Variants in PANX3 observed in about 807,000 individuals in gnomAD.
PANX3 encodes pannexin 3.
In PANX3, 18 loss-of-function variants were observed where a neutral mutation model predicts 31.5. The observed-to-expected ratio is 0.57, with a 90% confidence interval of 0.39 to 0.85. The LOEUF (loss-of-function observed/expected upper bound fraction) is 0.85, where lower values mean the gene tolerates loss of function less well. PANX3 is among the 40% of genes least tolerant of loss of function. The pLI, the probability that PANX3 is intolerant of heterozygous loss-of-function variation, is 0.00. For synonymous variants in PANX3, 194 were observed against 201.6 expected, an observed-to-expected ratio of 0.96 and a Z score of 0.32; for missense variants, 426 against 485.4, an observed-to-expected ratio of 0.88 and a Z score of 1.15.
At chr11:124,618,571 T>A (rs1228074680) in intron 3 of PANX3, among the ~76,000 whole-genome samples, 2 of 152,166 alleles carry the variant, frequency 1.3e-5, no homozygotes, top group Non-Finnish European at 2.9e-5. Flanking sequence ...GCCAAATTAT[T>A]TACATAAGAT....
In PANX3 at chr11:124,619,972, C is replaced by T. The variant is rs1863198472; in HGVS notation, c.*37C>T. The T allele has an allele frequency of 3.9e-6, 6 of 1,551,166 alleles. No individual in the cohort carries two copies. Among genetic ancestry groups the T allele is most frequent in the African/African-American group, 1.4e-5 (1 of 72,400 alleles). On this transcript the variant is annotated 3_prime_UTR_variant, in exon 4 of 4. Coordinates refer to ENST00000284288, the MANE Select transcript of PANX3 (RefSeq NM_052959.3). ...TGGAGCAAGAAAGCTTGTGGAAAGT[C>T]TCTCTCCTTCCTCATAAGACATGCA...
intron 3 of PANX3, among the ~76,000 whole-genome samples, chr11:124,619,027 C>T (rs991910694): frequency 5.3e-5 from 8 of 152,164 alleles, no homozygotes; most frequent in Non-Finnish European, 5.9e-5. Context: ...AACTTTAGTC[C>T]GCCTTGCTTG....
rs2134315058 is a variant in PANX3 at position 124,620,101 on chromosome 11, A to G, written c.*166A>G. On this transcript the variant is annotated 3_prime_UTR_variant, in exon 4 of 4. Transcript: ENST00000284288. Reference sequence around the variant, plus strand: ...ATCATGTTATCCTAAAAGTGAGAAGACATAACCAAGACATGGAAATAAATG... The same window carrying G: ...ATCATGTTATCCTAAAAGTGAGAAGGCATAACCAAGACATGGAAATAAATG... 3.9e-6 allele frequency: 3 copies of G among 776,510 alleles called. No homozygotes were observed. In the East Asian group the frequency reaches 8.3e-5, roughly 22 times the overall value. 48.1% of individuals were successfully genotyped at this position (776,510 alleles called of 1,614,324 possible).
intron 1 of PANX3, among the ~76,000 whole-genome samples, chr11:124,612,767 G>T (rs1487786281): frequency 6.6e-6 from 1 of 152,218 alleles, no homozygotes; most frequent in African/African-American, 2.4e-5. Flanking sequence ...AAAAGGCTGA[G>T]TCAGCACTGG....
intron 2 of PANX3, 46 bp from the exon 3 acceptor site, chr11:124,617,228 G>C (rs765408263): frequency 1.4e-6 from 2 of 1,465,020 alleles, no homozygotes; most frequent in Admixed American, 1.8e-5. Flanking sequence ...GTCACTCGGG[G>C]TCTCAGCAGC....
chr11:124,612,932 C>A, intron 1 of PANX3, 48 bp from the exon 2 acceptor site: 3 of 1,603,490 alleles, frequency 1.9e-6, no homozygotes, highest in Non-Finnish European at 2.6e-6. Context: ...TGAGTCCCCA[C>A]TCCTCCACTC....
At position 124,619,333 on chromosome 11, in the gene PANX3, G is replaced by C. The variant is rs777263420; in HGVS notation, c.577G>C (p.Glu193Gln). The C allele has an allele frequency of 2.9e-5, 46 of 1,613,994 alleles. No homozygotes were observed. Among genetic ancestry groups the C allele is most frequent in the Non-Finnish European group, 3.9e-5 (46 of 1,179,984 alleles). The change falls in exon 4 of 4, where the codon GAG becomes CAG. Residue 193 changes from glutamate to glutamine, a missense_variant. Glu to Gln is a conservative substitution (Grantham distance 29, BLOSUM62 2). Coordinates refer to ENST00000284288, the MANE Select transcript of PANX3 (RefSeq NM_052959.3). ...ACGATACTTTGAATTCCCTTTGCTA[G>C]AGCGGTACCTGGCATGTAAGCAGCG... ...KERYFEFPLL[E>Q]RYLACKQRSH... is the part of the protein sequence containing the mutation.
chr11:124,617,687 C>A (rs1863170065), intron 3 of PANX3, among the ~76,000 whole-genome samples, 199 bp downstream of exon 3: 1 of 152,228 alleles, frequency 6.6e-6, no homozygotes, highest in African/African-American at 2.4e-5. Flanking sequence ...GATGACCACA[C>A]TGAGCCCACA....
In PANX3 at chr11:124,619,700, G is replaced by A; in HGVS notation, c.944G>A (p.Ser315Asn). The change falls in exon 4 of 4, where the codon AGC (serine) becomes AAC (asparagine). Residue 315 changes from serine to asparagine, a missense_variant. Physicochemically the swap from Ser to Asn is conservative, Grantham distance 46. Coordinates refer to ENST00000284288, the MANE Select transcript of PANX3 (RefSeq NM_052959.3). ...ATGCTCCCAGCTTTTGATCTCCTCA[G>A]CAGAAAGATGCTAGGATGTCCCATC... ...YEMLPAFDLL[S>N]RKMLGCPIND... 6.2e-7 allele frequency: 1 copy of A among 1,614,126 alleles called. No homozygotes were observed. The highest frequency in any genetic ancestry group is 2.2e-5 in the East Asian group (1 of 44,886).
intron 2 of PANX3, among the ~76,000 whole-genome samples, chr11:124,615,975 C>T (rs745915108): frequency 4.6e-5 from 7 of 152,008 alleles, no homozygotes; most frequent in Non-Finnish European, 5.9e-5. Context: ...GATCGCACCA[C>T]GGCACTCCAG....
chr11:124,616,001 G>A lies in PANX3; in HGVS notation c.325-1273G>A, dbSNP rs1591368531. Among the ~76,000 whole-genome samples the A allele has an allele frequency of 1.3e-5, 2 of 152,092 alleles. No homozygotes were observed. Among genetic ancestry groups the A allele is most frequent in the African/African-American group, 4.8e-5 (2 of 41,398 alleles). On this transcript the variant is annotated intron_variant, in intron 2 of 3. Coordinates refer to ENST00000284288, the MANE Select transcript of PANX3 (RefSeq NM_052959.3). The surrounding 1 kb of genome is among the most constrained non-coding windows in gnomAD (Gnocchi z 4.8). ...GGCACTCCAGCCTGGGCAAGAGAGC[G>A]AGACTCAATCTCAATAAATAAATAA...
At chr11:124,615,969 G>T (rs769612686) in intron 2 of PANX3, among the ~76,000 whole-genome samples, 1 of 152,106 alleles carries the variant, frequency 6.6e-6, no homozygotes, top group Non-Finnish European at 1.5e-5. Context: ...AGCAGAGATC[G>T]CACCACGGCA....
chr11:124,611,455 G>A lies in PANX3; in HGVS notation c.-102G>A. The A allele has an allele frequency of 9.1e-7, 1 of 1,093,078 alleles. No homozygotes were observed. The highest frequency in any genetic ancestry group is 1.3e-6 in the Non-Finnish European group (1 of 770,744). 67.7% of individuals were successfully genotyped at this position (1,093,078 alleles called of 1,614,324 possible). On this transcript the variant is annotated 5_prime_UTR_variant, in exon 1 of 4. Transcript: ENST00000284288. ...AGATATCCATAAGGCTGGGGTGGCA[G>A]GCACTGTCTGCCCAAAGTCAGCTGC...
At chr11:124,619,215 T>G in intron 3 of PANX3, 81 bp from the exon 4 acceptor site, 1 of 1,402,376 alleles carries the variant, frequency 7.1e-7, no homozygotes, top group Non-Finnish European at 9.7e-7. Flanking sequence ...AAAACAGATC[T>G]GTTACTTTGT....
At chr11:124,611,759 G>A in intron 1 of PANX3, 22 bp downstream of exon 1, 1 of 1,604,406 alleles carries the variant, frequency 6.2e-7, no homozygotes, top group South Asian at 1.1e-5. Flanking sequence ...CCAAGACCCA[G>A]TGCGCAAGAG....
rs747246842 is a variant in PANX3 at position 124,611,547 on chromosome 11, C to G, written c.-10C>G. On this transcript the variant is annotated 5_prime_UTR_variant, in exon 1 of 4. Transcript: ENST00000284288. ...GCTGCCACCTCTGCACCCCCAAGCTCAGCAGCATCATGTCACTTGCACACA... is the reference window on the plus strand; with the variant it reads ...GCTGCCACCTCTGCACCCCCAAGCTGAGCAGCATCATGTCACTTGCACACA... 7 of 1,602,338 alleles carry G rather than the reference C, an allele frequency of 4.4e-6. No individual in the cohort carries two copies. Among genetic ancestry groups the G allele is most frequent in the Non-Finnish European group, 4.3e-6 (5 of 1,172,072 alleles).
At chr11:124,614,706 G>T in intron 2 of PANX3, among the ~76,000 whole-genome samples, 1 of 114,846 alleles carries the variant, frequency 8.7e-6, no homozygotes, top group Admixed American at 1.0e-4. Context: ...GACAGAGTCT[G>T]GCTCTTGTCC....
chr11:124,611,624 C>T lies in PANX3; in HGVS notation c.68C>T (p.Pro23Leu), dbSNP rs752557347. The change falls in exon 1 of 4, where the codon CCC becomes CTC. Residue 23 changes from proline to leucine, a missense_variant. Transcript: ENST00000284288. ...GCCCTGCTGCCTGACCGCAGGGGAC[C>T]CCGCCTCAAAGGACTGCGTCTGGAA... Reference protein sequence around the residue: ...SDALLPDRRGPRLKGLRLELP... With the variant: ...SDALLPDRRGLRLKGLRLELP... 1 of 1,614,044 alleles carries T rather than the reference C, an allele frequency of 6.2e-7. No individual in the cohort carries two copies.
chr11:124,614,326 G>A (rs1863128619), intron 2 of PANX3, among the ~76,000 whole-genome samples: 1 of 152,146 alleles, frequency 6.6e-6, no homozygotes, highest in African/African-American at 2.4e-5. Flanking sequence ...AGAGTGCAAT[G>A]GTGCCATCTT....
Sources: gnomAD v4.1 joint callset for allele counts (sites outside exome capture counted in the v4.1 genomes callset) on GRCh38, gnomAD v4.1.1 for gene constraint, Gnocchi (gnomAD v3.1) non-coding constraint, MANE v1.5 for transcripts, NCBI Gene and HGNC (gene_info 2026-07-23, HGNC 2026-07-21) for gene names.